The following FBXL3 variants were observed in gnomAD, a reference collection of about 807,000 sequenced individuals.
The protein encoded by FBXL3 is F-box/LRR-repeat protein 3.
In FBXL3, 14 loss-of-function variants were observed where a neutral mutation model predicts 37.9. That is an observed-to-expected ratio of 0.37 (90% CI 0.24 to 0.58). The LOEUF (loss-of-function observed/expected upper bound fraction) is 0.58. Ranked by LOEUF, FBXL3 falls within the 20% of genes least tolerant of loss-of-function variation. FBXL3 has a pLI of 0.74. For missense variants in FBXL3, 327 were observed against 511.1 expected (o/e 0.64, Z 3.47); for synonymous variants, 194 against 180.1 (o/e 1.08, Z -0.62).
chr13:77,026,082 A>G (rs1308140537), intron 1 of FBXL3: 2 of 701,050 alleles, frequency 2.9e-6, no homozygotes, highest in African/African-American at 3.9e-5. Flanking sequence ...CTTTTTTTTC[A>G]AGTTAGAAAA....
rs1362959603 is a variant in FBXL3, at chr13:77,007,508, T to A, written c.924A>T (p.Ile308=). Residue 308 remains isoleucine, a synonymous_variant, in exon 5 of 5, where the codon ATA becomes ATT. Transcript: ENST00000355619. ...TCCCAAAGTACAGATGGGTGGCAGG[T>A]ATTTCATAGCGAAAGAAGGGGTCAA... is the stretch of plus-strand genomic sequence containing the variant. The part of the protein sequence containing the change: ...EEFDPFFRYE[I]PATHLYFGRS... The A allele has an allele frequency of 1.9e-6, 3 of 1,614,054 alleles. No individual in the cohort carries two copies. Among genetic ancestry groups the A allele is most frequent in the African/African-American group, 1.3e-5 (1 of 74,908 alleles).
In FBXL3 at chr13:77,024,602, CTTTCT is replaced by C. The variant is rs1193021904; in HGVS notation, c.-2+2220_-2+2224del. Among the ~76,000 whole-genome samples, 7 of 152,094 alleles carry C rather than the reference CTTTCT, an allele frequency of 4.6e-5. No homozygotes were observed. In the South Asian group the frequency reaches 8.3e-4, roughly 18 times the overall value. ...ACTTTGCTGGTCCTAAAAATAGAAA[CTTTCT>C]TTTGTCTATTATAGTACTGTTTTAA... On this transcript the variant is annotated intron_variant, in intron 1 of 4. Coordinates refer to ENST00000355619, the MANE Select transcript of FBXL3 (RefSeq NM_012158.4).
At position 77,021,490 on chromosome 13, in the gene FBXL3, A is replaced by G. The variant is rs114189643; in HGVS notation, c.348+23T>C. The stretch of plus-strand genomic sequence containing the variant: ...AGCCACTAAAAATACTTTATTTTTT[A>G]AAAGAAGGATTTAAAATATTACCTT... On this transcript the variant is annotated intron_variant, in intron 2 of 4. Transcript: ENST00000355619. 2.7e-3 allele frequency: 4,104 copies of G among 1,544,272 alleles called. 82 individuals carry two copies. In the African/African-American group the frequency reaches 0.043, roughly 16 times the overall value.
At chr13:77,007,880 C>T in intron 4 of FBXL3, 92 bp from the exon 5 acceptor site, 2 of 1,048,494 alleles carry the variant, frequency 1.9e-6, no homozygotes, top group Non-Finnish European at 2.7e-6. Context: ...AAGTTTGTCA[C>T]AGTTCCCTTA....
rs761377191 is a variant in FBXL3 at position 77,018,683 on chromosome 13, T to C, written c.388A>G (p.Ile130Val). The C allele has an allele frequency of 1.1e-5, 17 of 1,593,460 alleles. No individual in the cohort carries two copies. Among genetic ancestry groups the C allele is most frequent in the Non-Finnish European group, 1.5e-5 (17 of 1,171,136 alleles). Reference sequence around the variant, plus strand: ...GAGCAATTCACAAGTTGCGATAGTATATCACAAGCTGCTTCAGCTGATTCC... The same window carrying C: ...GAGCAATTCACAAGTTGCGATAGTACATCACAAGCTGCTTCAGCTGATTCC... ...SKESAEAACD[I>V]LSQLVNCSLK... Residue 130 changes from isoleucine (I) to valine (V), a missense_variant, in exon 3 of 5, where the codon ATA becomes GTA. By Grantham distance (29) the Ile-to-Val change is conservative (BLOSUM62 3). Coordinates refer to ENST00000355619, the MANE Select transcript of FBXL3 (RefSeq NM_012158.4).
chr13:77,009,080 A>G (rs2034500629), intron 4 of FBXL3: 1 of 152,242 alleles, frequency 6.6e-6, no homozygotes, highest in Non-Finnish European at 1.5e-5. Flanking sequence ...GGAGACAGCT[A>G]GCTAAAAATA....
In FBXL3 at chr13:77,006,086, G is replaced by A. The variant is rs994085427; in HGVS notation, c.*1059C>T. 2 of 152,394 alleles carry A rather than the reference G, an allele frequency of 1.3e-5. No homozygotes were observed. The highest frequency in any genetic ancestry group is 2.9e-5 in the Non-Finnish European group (2 of 67,918). 9.4% of individuals were successfully genotyped at this position (152,394 alleles called of 1,614,324 possible). A position where few individuals can be genotyped will look rare whatever the true frequency, so the allele number is the denominator to read the frequency against. ...AAAATATGATTATGAACTTAAATAT[G>A]TCCTCTTTAAAATTTGCTGTTTATG... On this transcript the variant is annotated 3_prime_UTR_variant, in exon 5 of 5. Transcript: ENST00000355619.
chr13:77,026,065 TAA>T (rs2034833402), intron 1 of FBXL3: 1 of 533,554 alleles, frequency 1.9e-6, no homozygotes, highest in African/African-American at 2.1e-5. Flanking sequence ...TAACAGAAAC[TAA>T]GTTACTTTTT....
At position 77,021,512 on chromosome 13, in the gene FBXL3, C is replaced by A; in HGVS notation, c.348+1G>T. 1 of 1,597,526 alleles carries A rather than the reference C, an allele frequency of 6.3e-7. No individual in the cohort carries two copies. The highest frequency in any genetic ancestry group is 1.1e-5 in the South Asian group (1 of 89,442). ...TTTAAAAGAAGGATTTAAAATATTA[C>A]CTTGAAGCTGACATATTGTAGATGG... On this transcript the variant is annotated splice_donor_variant, in intron 2 of 4. Coordinates refer to ENST00000355619, the MANE Select transcript of FBXL3 (RefSeq NM_012158.4). LOFTEE classifies it high-confidence loss of function.
chr13:77,023,951 T>C (rs1593937237), intron 1 of FBXL3, among the ~76,000 whole-genome samples: 1 of 152,206 alleles, frequency 6.6e-6, no homozygotes. Context: ...TTAGCATATG[T>C]GCAATAAACT....
At chr13:77,021,988 A>G in intron 1 of FBXL3, 127 bp from the exon 2 acceptor site, 1 of 730,986 alleles carries the variant, frequency 1.4e-6, no homozygotes, top group East Asian at 2.6e-5. Context: ...CTGGATCAGT[A>G]ATTCAAGAAT....
intron 2 of FBXL3, among the ~76,000 whole-genome samples, chr13:77,019,832 C>A (rs1267044691): frequency 6.6e-6 from 1 of 151,430 alleles, no homozygotes; most frequent in African/African-American, 2.4e-5. Context: ...ATTATTTCCT[C>A]AGGAAAATTA....
At chr13:77,013,729 T>C (rs1156410316) in intron 4 of FBXL3, 1 of 152,196 alleles carries the variant, frequency 6.6e-6, no homozygotes, top group African/African-American at 2.4e-5. Context: ...AACAAAACTC[T>C]AGTCTCCCAC....
At chr13:77,024,618 A>T (rs549255707) in intron 1 of FBXL3, among the ~76,000 whole-genome samples, 1 of 152,336 alleles carries the variant, frequency 6.6e-6, no homozygotes, top group Non-Finnish European at 1.5e-5. Flanking sequence ...TTTGTCTATT[A>T]TAGTACTGTT....
At chr13:77,013,865 G>T (rs138451160) in intron 4 of FBXL3, 1 of 152,254 alleles carries the variant, frequency 6.6e-6, no homozygotes, top group Non-Finnish European at 1.5e-5. Context: ...GATCAAGTAA[G>T]CTTATACTAT....
In FBXL3 at chr13:77,007,597, C is replaced by A; in HGVS notation, c.835G>T (p.Ala279Ser). Residue 279 changes from alanine (A) to serine (S), a missense_variant, in exon 5 of 5, where the codon GCT (alanine) becomes TCT (serine). Physicochemically the swap from Ala to Ser is moderately conservative, Grantham distance 99 (BLOSUM62 1). Coordinates refer to ENST00000355619, the MANE Select transcript of FBXL3 (RefSeq NM_012158.4). The part of the protein sequence containing the change: ...FHTIQKSSWD[A>S]FIRHSPKVNL... The stretch of plus-strand genomic sequence containing the variant: ...ACTTTGGGTGAATGTCTGATGAAAG[C>A]ATCCCAGCTACTCTTCTGAATAGTA... 6.2e-7 allele frequency: 1 copy of A among 1,614,124 alleles called. No individual in the cohort carries two copies. The highest frequency in any genetic ancestry group is 8.5e-7 in the Non-Finnish European group (1 of 1,180,020).
At chr13:77,018,154 T>G (rs1465106429) in intron 3 of FBXL3, 1 of 152,254 alleles carries the variant, frequency 6.6e-6, no homozygotes, top group Non-Finnish European at 1.5e-5. Flanking sequence ...ATCTAAACTG[T>G]GCTGAGACTA....
intron 4 of FBXL3, among the ~76,000 whole-genome samples, chr13:77,011,435 G>C (rs116475567): frequency 0.016 from 2,489 of 151,370 alleles, 73 homozygotes; most frequent in African/African-American, 0.056. Flanking sequence ...TGAAAAGACA[G>C]TCAAGGTCAG....
chr13:77,022,865 T>C (rs1041244366), intron 1 of FBXL3, among the ~76,000 whole-genome samples: 5 of 152,234 alleles, frequency 3.3e-5, no homozygotes, highest in African/African-American at 7.2e-5. Context: ...CTCCTTGGGT[T>C]TGAATTCTGG....
Sources: allele counts gnomAD v4.1 joint callset (sites outside exome capture counted in the v4.1 genomes callset), GRCh38; gene constraint gnomAD v4.1.1; transcripts MANE v1.5; gene names NCBI Gene and HGNC (gene_info 2026-07-23, HGNC 2026-07-21).